NMT2: variants seen among roughly 807,000 people sequenced by gnomAD.
NMT2 encodes glycylpeptide N-tetradecanoyltransferase 2.
A neutral mutation model predicts 65.4 loss-of-function variants in NMT2; 35 were observed. The observed-to-expected ratio is 0.54, with a 90% CI of 0.41 to 0.71. NMT2 has a LOEUF of 0.71. NMT2 is among the 30% of genes least tolerant of loss of function. The pLI, the probability that NMT2 is intolerant of heterozygous loss-of-function variation, is 0.00. For synonymous variants in NMT2, 226 were observed against 231.8 expected (o/e 0.98, Z 0.23); for missense variants, 489 against 611.3 (o/e 0.80, Z 2.11).
chr10:15,112,675 A>C, intron 10 of NMT2, 121 bp downstream of exon 10: 1 of 927,692 alleles, frequency 1.1e-6, no homozygotes, highest in African/African-American at 1.7e-5. Context: ...GATGATCAAT[A>C]GTTTTTTTAA....
chr10:15,124,671 CT>C (rs1263751538), intron 8 of NMT2, among the ~76,000 whole-genome samples: 1 of 152,166 alleles, frequency 6.6e-6, no homozygotes, highest in Non-Finnish European at 1.5e-5. Context: ...AATAACTTGA[CT>C]GCTAGCAGTG....
intron 1 of NMT2, among the ~76,000 whole-genome samples, chr10:15,143,384 CACT>C (rs1846842093): frequency 1.3e-5 from 2 of 152,140 alleles, no homozygotes; most frequent in Non-Finnish European, 2.9e-5. Flanking sequence ...TTCCAGAAAC[CACT>C]AGGAGCCTGG....
At chr10:15,115,327 GA>G (rs1248618619) in intron 9 of NMT2, among the ~76,000 whole-genome samples, 1 of 152,032 alleles carries the variant, frequency 6.6e-6, no homozygotes, top group Non-Finnish European at 1.5e-5. Flanking sequence ...ATTTAAAAAT[GA>G]AAAAGGTAAA....
In NMT2 at chr10:15,135,406, G is replaced by C; in HGVS notation, c.259C>G (p.Pro87Ala). 2 of 1,614,024 alleles carry C rather than the reference G, an allele frequency of 1.2e-6. No individual in the cohort carries two copies. The highest frequency in any genetic ancestry group is 1.7e-6 in the Non-Finnish European group (2 of 1,179,950). ...IQQPSKNPSV[P>A]MQKLQDIQRA... is the part of the protein sequence containing the mutation. The stretch of plus-strand genomic sequence containing the variant: ...TGGATATCCTGCAACTTCTGCATTG[G>C]AACACTGGGATTCTACGACAGCAAA... Residue 87 changes from proline to alanine, a missense_variant, in exon 3 of 12, where the codon CCA (proline) becomes GCA (alanine). Transcript: ENST00000378165.
chr10:15,122,383 G>A (rs755828725), intron 8 of NMT2, among the ~76,000 whole-genome samples: 65 of 152,008 alleles, frequency 4.3e-4, no homozygotes, highest in Admixed American at 6.5e-4. Flanking sequence ...CCTTAAAGCA[G>A]CAGTTCTCAA....
At position 15,119,352 on chromosome 10, in the gene NMT2, A is replaced by G; in HGVS notation, c.1161T>C (p.Phe387=). Residue 387 remains phenylalanine, a synonymous_variant, in exon 9 of 12, where the codon TTT becomes TTC. Transcript: ENST00000378165. ...ATCACCTTGTCTTTACCTCCACTAC[A>G]AACGTGTCAATAATGTGCTCCCGGG... The part of the protein sequence containing the change: ...FLPREHIIDT[F]VVESPNGKLT... 2.5e-6 allele frequency: 4 copies of G among 1,614,118 alleles called. No homozygotes were observed. The highest frequency in any genetic ancestry group is 2.2e-5 in the East Asian group (1 of 44,888).
chr10:15,140,525 T>C lies in NMT2; in HGVS notation c.246+897A>G, dbSNP rs115416662. Among the ~76,000 whole-genome samples, 1,106 of 152,140 alleles carry C rather than the reference T, an allele frequency of 7.3e-3. 11 individuals are homozygous for C. The highest frequency in any genetic ancestry group is 0.025 in the African/African-American group (1,049 of 41,488). ...TCTTTCTTTTCTTTCTTTTTCTTTT[T>C]TTATTTTTTTCAGCCAGGGTCTCTC... On this transcript the variant is annotated intron_variant, in intron 2 of 11. Transcript: ENST00000378165.
chr10:15,106,649 T>C lies in NMT2; in HGVS notation c.*2546A>G. 1 of 985,462 alleles carries C rather than the reference T, an allele frequency of 1.0e-6. No homozygotes were observed. The highest frequency in any genetic ancestry group is 1.2e-6 in the Non-Finnish European group (1 of 829,942). 61.0% of individuals were successfully genotyped at this position (985,462 alleles called of 1,614,324 possible). A position where few individuals can be genotyped will look rare whatever the true frequency, so the allele number is the denominator to read the frequency against. On this transcript the variant is annotated 3_prime_UTR_variant, in exon 12 of 12. Coordinates refer to ENST00000378165, the MANE Select transcript of NMT2 (RefSeq NM_004808.3). The stretch of plus-strand genomic sequence containing the variant: ...TGGTCTTTAGAATCACGGCAACCTA[T>C]AGAAAGGAGAGTTCCAACTCCTTCG...
At chr10:15,138,242 A>G (rs1589329907) in intron 2 of NMT2, 1 of 411,568 alleles carries the variant, frequency 2.4e-6, no homozygotes, top group East Asian at 7.2e-5. Context: ...AACTCCTGAC[A>G]TCAAGTGATC....
At chr10:15,129,677 A>C (rs1846206538) in intron 7 of NMT2, among the ~76,000 whole-genome samples, 1 of 152,032 alleles carries the variant, frequency 6.6e-6, no homozygotes, top group Non-Finnish European at 1.5e-5. Flanking sequence ...ATAGACTTAG[A>C]AGTATAGATC....
chr10:15,162,569 C>T (rs2131636704), intron 1 of NMT2, among the ~76,000 whole-genome samples: 1 of 151,928 alleles, frequency 6.6e-6, no homozygotes, highest in Non-Finnish European at 1.5e-5. Flanking sequence ...TTCCAGCACA[C>T]AACAATAAGA....
At chr10:15,149,272 C>G (rs1847067761) in intron 1 of NMT2, among the ~76,000 whole-genome samples, 1 of 151,278 alleles carries the variant, frequency 6.6e-6, no homozygotes, top group Non-Finnish European at 1.5e-5. Flanking sequence ...ATCGCCACTA[C>G]CATTGCCATC....
chr10:15,152,897 T>C (rs1020685354), intron 1 of NMT2, among the ~76,000 whole-genome samples: 3 of 152,216 alleles, frequency 2.0e-5, no homozygotes, highest in Non-Finnish European at 4.4e-5. Flanking sequence ...GTGATACATG[T>C]ACAAGGATAT....
intron 1 of NMT2, among the ~76,000 whole-genome samples, chr10:15,166,117 C>T (rs970019625): frequency 6.6e-6 from 1 of 152,060 alleles, no homozygotes; most frequent in African/African-American, 2.4e-5. Flanking sequence ...CATTTTGGTG[C>T]AAAACAAGAC....
At chr10:15,125,000 G>A (rs1846032294) in intron 8 of NMT2, among the ~76,000 whole-genome samples, 1 of 151,974 alleles carries the variant, frequency 6.6e-6, no homozygotes, top group South Asian at 2.1e-4. Flanking sequence ...TGTCCCCATA[G>A]TGGGTAATGT....
chr10:15,141,844 C>T (rs776147869), intron 1 of NMT2, among the ~76,000 whole-genome samples: 3 of 152,166 alleles, frequency 2.0e-5, no homozygotes, highest in Non-Finnish European at 4.4e-5. Context: ...ATAGTTTCCA[C>T]GGTTATCACT....
At chr10:15,120,503 T>G (rs948614575) in intron 8 of NMT2, among the ~76,000 whole-genome samples, 1 of 152,090 alleles carries the variant, frequency 6.6e-6, no homozygotes, top group African/African-American at 2.4e-5. Context: ...ATACATTATA[T>G]GCAAATACAC....
At chr10:15,110,675 A>G (rs1160558524) in intron 10 of NMT2, among the ~76,000 whole-genome samples, 1 of 152,246 alleles carries the variant, frequency 6.6e-6, no homozygotes. Flanking sequence ...TGAAGTCAGC[A>G]TGAAAATTCA....
At position 15,116,271 on chromosome 10, in the gene NMT2, G is replaced by C. The variant is rs75801662; in HGVS notation, c.1170+3072C>G. On this transcript the variant is annotated intron_variant, in intron 9 of 11. Coordinates refer to ENST00000378165, the MANE Select transcript of NMT2 (RefSeq NM_004808.3). ...GAATCAAACTAGAAATCTGTAATAG[G>C]GAGACAACAGAAAATCTCTAAACAC... 1.6e-4 allele frequency among the ~76,000 whole-genome samples: 25 copies of C among 152,162 alleles called. No homozygotes were observed. The East Asian group carries it at 4.6e-3, about 28-fold the overall frequency.
Sources: allele counts gnomAD v4.1 joint callset (sites outside exome capture counted in the v4.1 genomes callset), GRCh38; gene constraint gnomAD v4.1.1; transcripts MANE v1.5; gene names NCBI Gene and HGNC (gene_info 2026-07-23, HGNC 2026-07-21).